ST7: variants seen among roughly 807,000 people sequenced by gnomAD.
ST7 encodes suppression of tumorigenicity 7.
In ST7, 28 loss-of-function variants were observed where a neutral mutation model predicts 78.7. The observed-to-expected ratio is 0.36, with a 90% CI of 0.26 to 0.49. The LOEUF is 0.49. Among genes scored for constraint, ST7 ranks in the 20% least tolerant of loss-of-function variants. The pLI, the probability that ST7 is intolerant of heterozygous loss-of-function variation, is 0.99. For missense variants in ST7, 418 were observed against 696.0 expected (o/e 0.60, Z 4.49); for synonymous variants, 247 against 249.6 (o/e 0.99, Z 0.10).
intron 3 of ST7, among the ~76,000 whole-genome samples, chr7:117,129,178 G>T (rs1220971605): frequency 6.6e-6 from 1 of 151,808 alleles, no homozygotes; most frequent in Non-Finnish European, 1.5e-5. Flanking sequence ...ATGATGATTA[G>T]TATATGTATC....
chr7:117,070,702 T>G (rs2429040), intron 1 of ST7, among the ~76,000 whole-genome samples: 118,640 of 151,588 alleles, frequency 0.78, 47,507 homozygotes, highest in East Asian at 0.99. Context: ...CACCATGCCC[T>G]GCTAATTTCT....
intron 9 of ST7, among the ~76,000 whole-genome samples, chr7:117,145,102 G>A (rs906307552): frequency 1.3e-5 from 2 of 152,080 alleles, no homozygotes; most frequent in African/African-American, 4.8e-5. Context: ...AGCTGCTTGA[G>A]AGGCTGAAGC....
intron 12 of ST7, among the ~76,000 whole-genome samples, chr7:117,200,097 C>A (rs1810678129): frequency 6.6e-6 from 1 of 152,230 alleles, no homozygotes; most frequent in Non-Finnish European, 1.5e-5. Flanking sequence ...CCTCCACTGG[C>A]CAGCTTGTGC....
At chr7:117,092,304 AGAAGTTATGAATACCAGCC>A (rs371680218) in intron 1 of ST7, among the ~76,000 whole-genome samples, 3 of 146,712 alleles carry the variant, frequency 2.0e-5, no homozygotes, top group East Asian at 2.0e-4. Context: ...AAAAAAAAAA[AGAAGTTATGAATACCAGCC>A]AAAAAAAAAA....
intron 1 of ST7, among the ~76,000 whole-genome samples, chr7:117,031,816 ATATATCTATATCTATATCTATATC>A (rs71148360): frequency 9.6e-5 from 4 of 41,452 alleles, no homozygotes; most frequent in East Asian, 1.4e-3. Context: ...ATATATATGC[ATATATCTATATCTATATCTATATC>A]TATATCTATA....
At chr7:117,210,652 G>T (rs1046043170) in intron 13 of ST7, among the ~76,000 whole-genome samples, 1 of 152,114 alleles carries the variant, frequency 6.6e-6, no homozygotes, top group African/African-American at 2.4e-5. Flanking sequence ...GAGTGATCTT[G>T]GTTAACATTA....
At position 117,009,257 on chromosome 7, in the gene ST7, G is replaced by GTTTTTTTTTT. The variant is rs1171249318; in HGVS notation, c.151+55570_151+55579dup. Reference sequence around the variant, plus strand: ...TAAAGAACTTCTCCACTTTTTTTTTGTTTTTTTTTTTTTGTTTTTGGCCTC... The same window carrying GTTTTTTTTTT: ...TAAAGAACTTCTCCACTTTTTTTTTGTTTTTTTTTTTTTTTTTTTTTTTGTTTTTGGCCTC... On this transcript the variant is annotated intron_variant, in intron 1 of 15. Coordinates refer to ENST00000323984, the MANE Select transcript of ST7 (RefSeq NM_001369598.1). Among the ~76,000 whole-genome samples, 2 of 18,484 alleles carry GTTTTTTTTTT rather than the reference G, an allele frequency of 1.1e-4. 1 individual carries two copies. Among genetic ancestry groups the GTTTTTTTTTT allele is most frequent in the Non-Finnish European group, 2.4e-4 (2 of 8,484 alleles). The allele number at this position is 18,484 out of a possible 152,430, so 12.1% of individuals were successfully genotyped here. A position where few individuals can be genotyped will look rare whatever the true frequency, so the allele number is the denominator to read the frequency against.
intron 1 of ST7, among the ~76,000 whole-genome samples, chr7:116,991,008 A>G (rs987176964): frequency 2.6e-5 from 4 of 152,208 alleles, no homozygotes; most frequent in Non-Finnish European, 4.4e-5. Flanking sequence ...GAGGCCTTCC[A>G]TATGCCCCTT....
chr7:117,052,912 C>T lies in ST7; in HGVS notation c.152-46850C>T, dbSNP rs190836392. 5.8e-3 allele frequency among the ~76,000 whole-genome samples: 885 copies of T among 152,186 alleles called. 33 individuals are homozygous for T. The highest frequency in any genetic ancestry group is 0.053 in the Admixed American group (812 of 15,278). On this transcript the variant is annotated intron_variant, in intron 1 of 15. Transcript: ENST00000323984. Reference sequence around the variant, plus strand: ...ACATCTCAAAAAACAAAAAAACAAACAAACAAACGAAAAAATCTAGTCAGT... The same window carrying T: ...ACATCTCAAAAAACAAAAAAACAAATAAACAAACGAAAAAATCTAGTCAGT...
At chr7:117,097,906 A>ATTTTTTTTTTT (rs1353568782) in intron 1 of ST7, among the ~76,000 whole-genome samples, 1 of 30,914 alleles carries the variant, frequency 3.2e-5, no homozygotes, top group African/African-American at 1.4e-4. Flanking sequence ...ATATATATAT[A>ATTTTTTTTTTT]TATTTTTTTT....
chr7:116,958,141 G>A (rs913663777), intron 1 of ST7, among the ~76,000 whole-genome samples: 1 of 149,028 alleles, frequency 6.7e-6, no homozygotes, highest in Non-Finnish European at 1.5e-5. Flanking sequence ...GACTACAGGT[G>A]CACACCACAG....
Position 117,222,475 on chromosome 7 carries a change from A to T in ST7, c.1638+413A>T, listed in dbSNP as rs79149923. Reference sequence around the variant, plus strand: ...TACATTTTCAAAGATGATTTAAATAATTTTTTTTAATGGCTGCAAACCCTT... The same window carrying T: ...TACATTTTCAAAGATGATTTAAATATTTTTTTTTAATGGCTGCAAACCCTT... On this transcript the variant is annotated intron_variant, in intron 15 of 15. Coordinates refer to ENST00000323984, the MANE Select transcript of ST7 (RefSeq NM_001369598.1). Among the ~76,000 whole-genome samples the T allele has an allele frequency of 4.4e-3, 677 of 152,194 alleles. 13 individuals are homozygous for T. In the East Asian group the frequency reaches 0.072, roughly 16 times the overall value.
intron 1 of ST7, among the ~76,000 whole-genome samples, chr7:117,032,386 G>T (rs2116198169): frequency 6.6e-6 from 1 of 151,862 alleles, no homozygotes; most frequent in Admixed American, 6.6e-5. Context: ...AATTAGAAAG[G>T]TCTGAATTTA....
chr7:117,196,966 T>A (rs1810375887), intron 12 of ST7, among the ~76,000 whole-genome samples: 1 of 152,198 alleles, frequency 6.6e-6, no homozygotes, highest in South Asian at 2.1e-4. Context: ...TTTTTGTGTA[T>A]GGTGTAAGAT....
chr7:117,143,737 G>A (rs1420900556), intron 9 of ST7, among the ~76,000 whole-genome samples: 18 of 152,164 alleles, frequency 1.2e-4, no homozygotes, highest in Non-Finnish European at 2.5e-4. Context: ...CAGGGTAGAT[G>A]TCAGGATTAA....
Position 116,996,082 on chromosome 7 carries a change from G to GTTTT in ST7, c.151+42405_151+42408dup, listed in dbSNP as rs71148355. On this transcript the variant is annotated intron_variant, in intron 1 of 15. Transcript: ENST00000323984. The stretch of plus-strand genomic sequence containing the variant: ...TGGTGTTAACTCTTGCAGATTCCCC[G>GTTTT]TTTTTTTTTTTTTTTTTGAGACGGA... Among the ~76,000 whole-genome samples, 465 of 130,284 alleles carry GTTTT rather than the reference G, an allele frequency of 3.6e-3. 14 individuals carry two copies. Among genetic ancestry groups the GTTTT allele is most frequent in the Non-Finnish European group, 5.1e-3 (317 of 62,364 alleles). The allele number at this position is 130,284 out of a possible 152,430, so 85.5% of individuals were successfully genotyped here.
chr7:117,170,753 A>G lies in ST7; in HGVS notation c.964-109A>G, dbSNP rs1807927016. The stretch of plus-strand genomic sequence containing the variant: ...CTAGTAATCATTTTACTTTGTGTAT[A>G]TATATCCAAACCGTGATATATACAA... On this transcript the variant is annotated intron_variant, in intron 9 of 15. Transcript: ENST00000323984. 1.4e-5 allele frequency: 5 copies of G among 358,428 alleles called. No individual in the cohort carries two copies. In the Admixed American group the frequency reaches 1.4e-4, roughly 10 times the overall value. 22.2% of individuals were successfully genotyped at this position (358,428 alleles called of 1,614,324 possible).
chr7:117,118,731 G>A (rs1266513667), intron 2 of ST7, among the ~76,000 whole-genome samples: 2 of 152,170 alleles, frequency 1.3e-5, no homozygotes, highest in Non-Finnish European at 2.9e-5. Context: ...AGCAGTGGTA[G>A]GAAGTGTTCA....
intron 8 of ST7, among the ~76,000 whole-genome samples, chr7:117,137,568 G>A (rs1363353283): frequency 1.3e-5 from 2 of 151,974 alleles, no homozygotes; most frequent in Admixed American, 1.3e-4. Flanking sequence ...TAATTTGTAG[G>A]TACTTGGCAG....
Sources: allele counts gnomAD v4.1 joint callset (sites outside exome capture counted in the v4.1 genomes callset), GRCh38; gene constraint gnomAD v4.1.1; transcripts MANE v1.5; gene names NCBI Gene and HGNC (gene_info 2026-07-23, HGNC 2026-07-21).